FADS2: variants seen among roughly 807,000 people sequenced by gnomAD.
The protein encoded by FADS2 is acyl-CoA 6-desaturase.
Under a neutral mutation model 61.2 loss-of-function variants are expected in FADS2, and 18 were observed. The ratio of observed to expected loss-of-function variants is 0.29; its 90% CI spans 0.20 to 0.44. FADS2 has a LOEUF of 0.44. FADS2 is among the 20% of genes least tolerant of loss of function. FADS2 has a pLI of 1.00. For missense variants in FADS2, 322 were observed against 572.7 expected (o/e 0.56, Z 4.47); for synonymous variants, 203 against 223.9 (o/e 0.91, Z 0.83).
At chr11:61,851,156 C>T (rs1351276719) in intron 5 of FADS2, among the ~76,000 whole-genome samples, 1 of 152,028 alleles carries the variant, frequency 6.6e-6, no homozygotes, top group Non-Finnish European at 1.5e-5. Context: ...AACTTGAGGC[C>T]CTCTGATAAG....
chr11:61,856,648 C>T, intron 5 of FADS2: 1 of 254,600 alleles, frequency 3.9e-6, no homozygotes, highest in Non-Finnish European at 7.4e-6. Flanking sequence ...TAGTGCCTGT[C>T]ACATGGGCTC....
In FADS2 at chr11:61,840,436, A is replaced by C. The variant is rs2067209159; in HGVS notation, c.421A>C (p.Ile141Leu). The change falls in exon 3 of 12, where the codon ATC becomes CTC. Residue 141 changes from isoleucine to leucine, a missense_variant. By Grantham distance (5) the Ile-to-Leu change is conservative. This residue lies in a region of FADS2 where 221 missense variants were observed against 427.9 expected (regional missense o/e 0.52). Coordinates refer to ENST00000278840, the MANE Select transcript of FADS2 (RefSeq NM_004265.4). ...VFFLLLLAHI[I>L]ALESIAWFTV... is the part of the protein sequence containing the mutation. ...CTTCCTCCTCCTCCTGGCCCACATC[A>C]TCGCCCTGGAGAGCATTGCATGGTT... is the stretch of plus-strand genomic sequence containing the variant. 1 of 1,614,118 alleles carries C rather than the reference A, an allele frequency of 6.2e-7. No homozygotes were observed. The highest frequency in any genetic ancestry group is 8.5e-7 in the Non-Finnish European group (1 of 1,180,004).
At chr11:61,837,946 T>G (rs1591168690) in intron 2 of FADS2, 58 bp downstream of exon 2, 1 of 1,232,194 alleles carries the variant, frequency 8.1e-7, no homozygotes, top group Non-Finnish European at 1.2e-6. Flanking sequence ...TGGCTGGGAG[T>G]CTGAGAGAGG....
chr11:61,843,066 A>C (rs1455561901), intron 4 of FADS2, among the ~76,000 whole-genome samples: 1 of 152,224 alleles, frequency 6.6e-6, no homozygotes, highest in Admixed American at 6.5e-5. Context: ...TTTCTTCCAA[A>C]GTGTGATCTT....
chr11:61,825,584 C>T (rs1381507326), upstream of FADS2, among the ~76,000 whole-genome samples: 3 of 150,208 alleles, frequency 2.0e-5, no homozygotes, highest in African/African-American at 2.5e-5. Flanking sequence ...CACCACTGCA[C>T]TCCAGCCTGG....
rs2067459392 is a variant in FADS2 at position 61,865,359 on chromosome 11, T to G, written c.1283+82T>G. ...TGGGATCACAAGAGGGGCTGGGCCC[T>G]CCTGGCACAGTCACCCACCAGGGCA... is the stretch of plus-strand genomic sequence containing the variant. On this transcript the variant is annotated intron_variant, in intron 11 of 11. Coordinates refer to ENST00000278840, the MANE Select transcript of FADS2 (RefSeq NM_004265.4). The surrounding 1 kb of genome is among the most constrained non-coding windows in gnomAD (Gnocchi z 4.1). 41 of 1,524,742 alleles carry G rather than the reference T, an allele frequency of 2.7e-5. No individual in the cohort carries two copies. Among genetic ancestry groups the G allele is most frequent in the Non-Finnish European group, 3.5e-5 (40 of 1,127,496 alleles). 94.5% of individuals were successfully genotyped at this position (1,524,742 alleles called of 1,614,324 possible). A position where few individuals can be genotyped will look rare whatever the true frequency, so the allele number is the denominator to read the frequency against.
At chr11:61,852,920 C>A (rs1048607026) in intron 5 of FADS2, among the ~76,000 whole-genome samples, 2 of 151,994 alleles carry the variant, frequency 1.3e-5, no homozygotes, top group African/African-American at 4.8e-5. Flanking sequence ...TTTGGGAGGC[C>A]GAGGCTGGCG....
chr11:61,838,029 C>T (rs981867418), intron 2 of FADS2, 141 bp downstream of exon 2: 36 of 647,660 alleles, frequency 5.6e-5, no homozygotes, highest in Non-Finnish European at 9.3e-5. Flanking sequence ...CACTGTGGTT[C>T]ACCTGTGTTC....
At chr11:61,842,413 T>C (rs1227716162) in intron 4 of FADS2, among the ~76,000 whole-genome samples, 2 of 152,246 alleles carry the variant, frequency 1.3e-5, no homozygotes, top group African/African-American at 4.8e-5. Context: ...AACATTTAAC[T>C]CCTGACCCAT....
intron 4 of FADS2, among the ~76,000 whole-genome samples, chr11:61,845,113 G>A (rs534924622): frequency 5.4e-5 from 7 of 129,656 alleles, no homozygotes; most frequent in African/African-American, 1.2e-4. Flanking sequence ...CAGTTATACC[G>A]AGGAGCTTTC....
At chr11:61,823,256 T>C (rs943339391) in intron 1 of FADS2, among the ~76,000 whole-genome samples, 4 of 152,176 alleles carry the variant, frequency 2.6e-5, no homozygotes, top group African/African-American at 9.7e-5. Context: ...TTCAGTAGAA[T>C]GTACCAAGGA....
At chr11:61,824,525 A>AAG (rs1491083271), upstream of FADS2, among the ~76,000 whole-genome samples, 325 of 88,232 alleles carry the variant, frequency 3.7e-3, 43 homozygotes, top group Middle Eastern at 0.025. Context: ...GAAAGAAAGA[A>AAG]AGAAAAATCA....
Position 61,866,215 on chromosome 11 carries a change from G to A in FADS2, c.*526G>A. 1.3e-5 allele frequency: 5 copies of A among 393,194 alleles called. No homozygotes were observed. In the East Asian group the frequency reaches 1.8e-4, roughly 14 times the overall value. The allele number at this position is 393,194 out of a possible 1,614,324, so 24.4% of individuals were successfully genotyped here. ...GGTCCACCCTTTCATAGAGAGGCCTGCTTTGTTACAAAGCTCGGGTCTCCC... is the reference window on the plus strand; with the variant it reads ...GGTCCACCCTTTCATAGAGAGGCCTACTTTGTTACAAAGCTCGGGTCTCCC... On this transcript the variant is annotated 3_prime_UTR_variant, in exon 12 of 12. Coordinates refer to ENST00000278840, the MANE Select transcript of FADS2 (RefSeq NM_004265.4).
intron 1 of FADS2, among the ~76,000 whole-genome samples, chr11:61,833,502 G>A (rs1467093937): frequency 1.1e-4 from 17 of 152,218 alleles, no homozygotes; most frequent in South Asian, 1.0e-3. Context: ...TATGAACAGC[G>A]GGCAATGCTC....
chr11:61,821,197 C>A (rs1035317945), intron 1 of FADS2, among the ~76,000 whole-genome samples: 6 of 152,084 alleles, frequency 3.9e-5, no homozygotes, highest in Admixed American at 2.0e-4. Flanking sequence ...CAAATTAATC[C>A]TCAAGGAACA....
intron 7 of FADS2, among the ~76,000 whole-genome samples, chr11:61,858,617 G>A (rs748929147): frequency 6.1e-5 from 9 of 148,172 alleles, no homozygotes; most frequent in East Asian, 4.1e-4. Context: ...ATGGTGTTTC[G>A]CTCTGTCGCC....
upstream of FADS2, chr11:61,827,701 C>T (rs1270528976): frequency 6.6e-6 from 1 of 152,296 alleles, no homozygotes; most frequent in African/African-American, 2.4e-5. This position sits in a 1 kb window ranked among gnomAD's most constrained non-coding sequence, Gnocchi z 4.5. Flanking sequence ...GTGTCGGCAT[C>T]AGGTGCAAAC....
At chr11:61,825,243 A>G (rs1267858181), upstream of FADS2, among the ~76,000 whole-genome samples, 1 of 152,108 alleles carries the variant, frequency 6.6e-6, no homozygotes, top group Non-Finnish European at 1.5e-5. Context: ...CTAGAATCAG[A>G]CTTATTTCTC....
At chr11:61,820,770 G>A (rs1445997869) in intron 1 of FADS2, among the ~76,000 whole-genome samples, 1 of 152,032 alleles carries the variant, frequency 6.6e-6, no homozygotes, top group Non-Finnish European at 1.5e-5. Context: ...GTGGTGGGGG[G>A]TGCCTGTAAT....
Sources: gnomAD v4.1 joint callset for allele counts (sites outside exome capture counted in the v4.1 genomes callset) on GRCh38, gnomAD v4.1.1 for gene constraint, gnomAD v4.1.1 regional missense constraint, Gnocchi (gnomAD v3.1) non-coding constraint, MANE v1.5 for transcripts, NCBI Gene and HGNC (gene_info 2026-07-23, HGNC 2026-07-21) for gene names.